The following CMKLR2 variants were observed in gnomAD, a reference collection of about 807,000 sequenced individuals.
The protein encoded by CMKLR2 is chemerin-like receptor 2.
In CMKLR2, 18 loss-of-function variants were observed where a neutral mutation model predicts 23.0. The observed-to-expected ratio is 0.78, with a 90% confidence interval of 0.54 to 1.16. The LOEUF is 1.16. Among genes scored for constraint, CMKLR2 ranks in the 50% most tolerant of loss-of-function variants. The pLI is 0.00. For synonymous variants in CMKLR2, 158 were observed against 158.9 expected, an observed-to-expected ratio of 0.99 and a Z score of 0.05; for missense variants, 401 against 412.7, an observed-to-expected ratio of 0.97 and a Z score of 0.25.
At chr2:206,212,272 C>T (rs1209126218) in intron 1 of CMKLR2, among the ~76,000 whole-genome samples, 1 of 151,860 alleles carries the variant, frequency 6.6e-6, no homozygotes, top group Non-Finnish European at 1.5e-5. Context: ...CAGATAAAAT[C>T]ATAAAATAGG....
chr2:206,212,283 C>T (rs1689598083), intron 1 of CMKLR2, among the ~76,000 whole-genome samples: 1 of 151,742 alleles, frequency 6.6e-6, no homozygotes, highest in Non-Finnish European at 1.5e-5. Flanking sequence ...ATAAAATAGG[C>T]CATGAAAAAC....
rs759952214 is a variant in CMKLR2 at position 206,176,810 on chromosome 2, A to T, written c.438T>A (p.His146Gln). The T allele has an allele frequency of 5.0e-6, 8 of 1,614,052 alleles. No individual in the cohort carries two copies. The African/African-American group carries it at 9.3e-5, about 19-fold the overall frequency. ...YIHLIHPVLS[H>Q]RHRTLKNSLI... ...GAGAGTTCTTGAGGGTTCGATGCCG[A>T]TGAGATAAGACAGGATGGATCAAGT... The change falls in exon 2 of 2, where the codon CAT (histidine) becomes CAA (glutamine). Residue 146 changes from histidine to glutamine, a missense_variant. Physicochemically the swap from His to Gln is conservative, Grantham distance 24. Transcript: ENST00000621141.
intron 1 of CMKLR2, among the ~76,000 whole-genome samples, chr2:206,201,368 T>G (rs948817096): frequency 1.4e-4 from 21 of 152,180 alleles, no homozygotes; most frequent in Non-Finnish European, 2.4e-4. Flanking sequence ...CTGAATTATT[T>G]CCTTAAAATG....
At chr2:206,182,690 C>T (rs1052737291) in intron 1 of CMKLR2, among the ~76,000 whole-genome samples, 1 of 151,850 alleles carries the variant, frequency 6.6e-6, no homozygotes, top group Non-Finnish European at 1.5e-5. Context: ...GGCGTGATCT[C>T]GGCTCATGCA....
chr2:206,215,988 A>C (rs1256475818), upstream of CMKLR2, among the ~76,000 whole-genome samples: 2 of 152,196 alleles, frequency 1.3e-5, no homozygotes, highest in African/African-American at 4.8e-5. Flanking sequence ...CCTTATTGGA[A>C]GAGATATTTA....
chr2:206,199,928 T>C (rs997819761), intron 1 of CMKLR2, among the ~76,000 whole-genome samples: 16 of 152,206 alleles, frequency 1.1e-4, no homozygotes, highest in African/African-American at 3.4e-4. Flanking sequence ...GTGGTAGAAA[T>C]GAGAGGGCAA....
At chr2:206,206,333 G>T (rs1689315521) in intron 1 of CMKLR2, among the ~76,000 whole-genome samples, 1 of 152,112 alleles carries the variant, frequency 6.6e-6, no homozygotes, top group African/African-American at 2.4e-5. Flanking sequence ...CACATTGGGG[G>T]ACAATAACAA....
intron 1 of CMKLR2, among the ~76,000 whole-genome samples, chr2:206,184,448 C>G (rs1688515409): frequency 6.6e-6 from 1 of 152,014 alleles, no homozygotes; most frequent in Admixed American, 6.6e-5. Flanking sequence ...AGATGTGCGC[C>G]ACCACATACG....
rs1250737696 is a variant in CMKLR2 at position 206,202,773 on chromosome 2, AGAG to A, written c.-29+10531_-29+10533del. ...GGCGGCCGGCTTACCTTACTACAAA[AGAG>A]GAGAACTCTGCTCCTCTCAGTGTCT... is the stretch of plus-strand genomic sequence containing the variant. On this transcript the variant is annotated intron_variant, in intron 1 of 1. Coordinates refer to ENST00000621141, the MANE Select transcript of CMKLR2 (RefSeq NM_001389445.1). Among the ~76,000 whole-genome samples, 5 of 152,024 alleles carry A rather than the reference AGAG, an allele frequency of 3.3e-5. No individual in the cohort carries two copies. The South Asian group carries it at 8.3e-4, about 25-fold the overall frequency.
In CMKLR2 at chr2:206,203,161, CAA is replaced by C. The variant is rs35488030; in HGVS notation, c.-29+10144_-29+10145del. ...TGAAACCCAGTCTCTTCTAAAACTA[CAA>C]AAAAAAAAAAAAAAATTAGCCGGGC... On this transcript the variant is annotated intron_variant, in intron 1 of 1. Coordinates refer to ENST00000621141, the MANE Select transcript of CMKLR2 (RefSeq NM_001389445.1). Among the ~76,000 whole-genome samples, 729 of 118,992 alleles carry C rather than the reference CAA, an allele frequency of 6.1e-3. 5 individuals carry two copies. The highest frequency in any genetic ancestry group is 0.013 in the African/African-American group (393 of 31,090). The allele number at this position is 118,992 out of a possible 152,430, so 78.1% of individuals were successfully genotyped here.
At chr2:206,189,979 T>G (rs926725319) in intron 1 of CMKLR2, among the ~76,000 whole-genome samples, 2 of 152,072 alleles carry the variant, frequency 1.3e-5, no homozygotes, top group African/African-American at 2.4e-5. Flanking sequence ...CAGCAACACG[T>G]TAAAAAGAGA....
At chr2:206,201,830 G>T (rs1689106610) in intron 1 of CMKLR2, among the ~76,000 whole-genome samples, 1 of 152,158 alleles carries the variant, frequency 6.6e-6, no homozygotes, top group Admixed American at 6.5e-5. Flanking sequence ...GAGGGAACCG[G>T]ATGGAGAGAA....
At chr2:206,202,539 C>A (rs1156916003) in intron 1 of CMKLR2, among the ~76,000 whole-genome samples, 1 of 152,124 alleles carries the variant, frequency 6.6e-6, no homozygotes, top group Non-Finnish European at 1.5e-5. Flanking sequence ...TGGTTCACTG[C>A]AGTTTCAACC....
At chr2:206,206,935 T>TTTTTTA (rs55762417) in intron 1 of CMKLR2, among the ~76,000 whole-genome samples, 1 of 150,180 alleles carries the variant, frequency 6.7e-6, no homozygotes, top group African/African-American at 2.5e-5. Context: ...TTTTTTTTTT[T>TTTTTTA]AATCAAAAGC....
In CMKLR2 at chr2:206,177,093, C is replaced by A; in HGVS notation, c.155G>T (p.Gly52Val). The change falls in exon 2 of 2, where the codon GGA (glycine) becomes GTA (valine). Residue 52 changes from glycine to valine, a missense_variant. Physicochemically the swap from Gly to Val is moderately radical, Grantham distance 109. Coordinates refer to ENST00000621141, the MANE Select transcript of CMKLR2 (RefSeq NM_001389445.1). ...AATGACGATGGCATTTCCTGGAATT[C>A]CCAGAACAAAAGCCAAACAATATAA... ...LVLYCLAFVLGIPGNAIVIWF... is the reference protein window; with the variant it reads ...LVLYCLAFVLVIPGNAIVIWF... 1 of 1,614,196 alleles carries A rather than the reference C, an allele frequency of 6.2e-7. No individual in the cohort carries two copies. Among genetic ancestry groups the A allele is most frequent in the Non-Finnish European group, 8.5e-7 (1 of 1,180,034 alleles).
At position 206,175,370 on chromosome 2, in the gene CMKLR2, TAAAG is replaced by T. The variant is rs1482895327; in HGVS notation, c.*806_*809del. ...CATAAATGTATATACATAGATTACA[TAAAG>T]AAATTAAGTACACATGTTGCATTTT... is the stretch of plus-strand genomic sequence containing the variant. On this transcript the variant is annotated 3_prime_UTR_variant, in exon 2 of 2. Coordinates refer to ENST00000621141, the MANE Select transcript of CMKLR2 (RefSeq NM_001389445.1). 6.6e-6 allele frequency: 1 copy of T among 152,214 alleles called. No homozygotes were observed. The highest frequency in any genetic ancestry group is 1.5e-5 in the Non-Finnish European group (1 of 68,038). The allele number at this position is 152,214 out of a possible 1,614,324, so 9.4% of individuals were successfully genotyped here.
chr2:206,194,049 T>A (rs1559090484), intron 1 of CMKLR2, among the ~76,000 whole-genome samples: 1 of 152,210 alleles, frequency 6.6e-6, no homozygotes, highest in African/African-American at 2.4e-5. Flanking sequence ...AAGAGAAGGC[T>A]TTCTCCTAAA....
rs113355652 is a variant in CMKLR2, at chr2:206,206,170, A to G, written c.-29+7137T>C. Among the ~76,000 whole-genome samples the G allele has an allele frequency of 5.3e-3, 807 of 152,286 alleles. 8 individuals carry two copies. The highest frequency in any genetic ancestry group is 0.019 in the African/African-American group (770 of 41,550). On this transcript the variant is annotated intron_variant, in intron 1 of 1. Transcript: ENST00000621141. ...GGAGTCTCTCCCAGACAAGAAAGAA[A>G]CCATTTCATTTTACCATCTAAATTT...
Position 206,176,668 on chromosome 2 carries a change from G to C in CMKLR2, c.580C>G (p.His194Asp), listed in dbSNP as rs1281722003. 6.2e-7 allele frequency: 1 copy of C among 1,614,202 alleles called. No individual in the cohort carries two copies. The highest frequency in any genetic ancestry group is 8.5e-7 in the Non-Finnish European group (1 of 1,180,016). Residue 194 changes from histidine to aspartate, a missense_variant, in exon 2 of 2, where the codon CAT becomes GAT. Transcript: ENST00000621141. ...HTLCYNNFQK[H>D]DPDLTLIRHH... is the part of the protein sequence containing the mutation. ...CTGATCAAAGTGAGGTCAGGATCAT[G>C]CTTCTGAAAATTGTTATAGCAAAGA...
Sources: allele counts gnomAD v4.1 joint callset (sites outside exome capture counted in the v4.1 genomes callset), GRCh38; gene constraint gnomAD v4.1.1; transcripts MANE v1.5; gene names NCBI Gene and HGNC (gene_info 2026-07-23, HGNC 2026-07-21).